The following PARD3B variants were observed in gnomAD, a reference collection of about 807,000 sequenced individuals.
PARD3B encodes the protein partitioning defective 3 homolog B.
In PARD3B, 103 loss-of-function variants were observed where a neutral mutation model predicts 130.2. The ratio of observed to expected loss-of-function variants is 0.79; its 90% CI spans 0.67 to 0.93. The LOEUF (loss-of-function observed/expected upper bound fraction) is 0.93, where lower values mean the gene tolerates loss of function less well. PARD3B is among the 40% of genes least tolerant of loss of function. The pLI is 0.00. For synonymous variants in PARD3B, 583 were observed against 553.2 expected (o/e 1.05, Z -0.76); for missense variants, 1,609 against 1,499.2 (o/e 1.07, Z -1.21).
intron 2 of PARD3B, among the ~76,000 whole-genome samples, chr2:204,960,542 A>G (rs562047137): frequency 1.3e-5 from 2 of 150,814 alleles, no homozygotes; most frequent in East Asian, 3.9e-4. Flanking sequence ...TCATTTATAC[A>G]CATTCATTTA....
intron 21 of PARD3B, among the ~76,000 whole-genome samples, chr2:205,516,272 A>G (rs1277528499): frequency 6.6e-6 from 1 of 152,004 alleles, no homozygotes; most frequent in East Asian, 1.9e-4. Flanking sequence ...TGCCTTTGCT[A>G]TTTGGTCTCT....
chr2:205,438,902 C>T (rs963135043), intron 19 of PARD3B, among the ~76,000 whole-genome samples: 6 of 152,078 alleles, frequency 3.9e-5, no homozygotes, highest in Admixed American at 2.0e-4. Flanking sequence ...AGGATAGGTG[C>T]TGGGGTTTTG....
chr2:204,958,001 G>A (rs910463591), intron 2 of PARD3B, among the ~76,000 whole-genome samples: 2 of 152,088 alleles, frequency 1.3e-5, no homozygotes, highest in South Asian at 2.1e-4. Flanking sequence ...TAGTTCAACA[G>A]TTTAACCCAA....
At chr2:204,951,985 T>C (rs183366870) in intron 2 of PARD3B, among the ~76,000 whole-genome samples, 87 of 152,322 alleles carry the variant, frequency 5.7e-4, no homozygotes, top group African/African-American at 2.0e-3. Context: ...ACAAAGATGA[T>C]TGATGACTGG....
chr2:204,587,550 G>A (rs1458129893), intron 1 of PARD3B, among the ~76,000 whole-genome samples: 1 of 152,178 alleles, frequency 6.6e-6, no homozygotes, highest in Non-Finnish European at 1.5e-5. Context: ...ATTTCAGATT[G>A]AAAGCAAAGA....
At chr2:204,843,450 C>T (rs1039070087) in intron 2 of PARD3B, among the ~76,000 whole-genome samples, 2 of 151,966 alleles carry the variant, frequency 1.3e-5, no homozygotes, top group Non-Finnish European at 1.5e-5. Context: ...GGTACAGTGG[C>T]GTGATCTTGG....
chr2:204,577,942 C>G (rs1414640453), intron 1 of PARD3B, among the ~76,000 whole-genome samples: 2 of 152,094 alleles, frequency 1.3e-5, no homozygotes, highest in Non-Finnish European at 2.9e-5. Context: ...TTGGGGGTGG[C>G]TTTGTCCCCT....
intron 2 of PARD3B, among the ~76,000 whole-genome samples, chr2:204,825,537 T>C (rs1218860273): frequency 6.6e-6 from 1 of 152,234 alleles, no homozygotes; most frequent in East Asian, 1.9e-4. Context: ...TTAGCATGAC[T>C]AGGCTACAAC....
At chr2:205,406,842 T>G (rs1245318280) in intron 19 of PARD3B, among the ~76,000 whole-genome samples, 3 of 151,940 alleles carry the variant, frequency 2.0e-5, no homozygotes, top group African/African-American at 7.2e-5. Flanking sequence ...AGCTAATTTT[T>G]GTATTTTTAG....
intron 21 of PARD3B, among the ~76,000 whole-genome samples, chr2:205,501,241 A>G (rs1364095781): frequency 2.6e-5 from 4 of 152,186 alleles, no homozygotes; most frequent in Non-Finnish European, 5.9e-5. Context: ...ACTAATCAGA[A>G]GTGCACAGTG....
At chr2:205,495,684 T>C (rs948182807) in intron 20 of PARD3B, among the ~76,000 whole-genome samples, 1 of 152,150 alleles carries the variant, frequency 6.6e-6, no homozygotes, top group Non-Finnish European at 1.5e-5. Context: ...ACTTCCATTC[T>C]TGTTCAGTAT....
At chr2:204,573,188 G>A (rs1483659438) in intron 1 of PARD3B, among the ~76,000 whole-genome samples, 1 of 152,168 alleles carries the variant, frequency 6.6e-6, no homozygotes, top group Admixed American at 6.5e-5. Context: ...CTCTGAAATT[G>A]ACCCAGGTCT....
chr2:205,490,452 T>C (rs2049654354), intron 20 of PARD3B, among the ~76,000 whole-genome samples: 1 of 152,242 alleles, frequency 6.6e-6, no homozygotes, highest in Non-Finnish European at 1.5e-5. Flanking sequence ...TTCATCATTT[T>C]TTATGGCTGC....
intron 2 of PARD3B, among the ~76,000 whole-genome samples, chr2:204,953,187 T>C (rs57849061): frequency 0.096 from 14,642 of 151,912 alleles, 821 homozygotes; most frequent in Non-Finnish European, 0.13. Context: ...ATTGGGACTA[T>C]GCAGAGACAA....
At chr2:205,193,388 C>T in intron 15 of PARD3B, 68 bp downstream of exon 15, 13 of 1,259,622 alleles carry the variant, frequency 1.0e-5, no homozygotes, top group Non-Finnish European at 1.5e-5. Flanking sequence ...CCCAAATGTC[C>T]TGGTTTTGTT....
intron 22 of PARD3B, among the ~76,000 whole-genome samples, chr2:205,588,729 T>C (rs1422714096): frequency 6.6e-6 from 1 of 152,202 alleles, no homozygotes; most frequent in Admixed American, 6.5e-5. Flanking sequence ...TATACTTCAA[T>C]AAAATTTTTA....
At chr2:204,941,086 T>C (rs370734748) in intron 2 of PARD3B, among the ~76,000 whole-genome samples, 2 of 152,296 alleles carry the variant, frequency 1.3e-5, no homozygotes, top group South Asian at 2.1e-4. Context: ...TTGGTGTTTG[T>C]TATATATATA....
chr2:205,040,369 A>AG (rs1322405536), intron 3 of PARD3B, among the ~76,000 whole-genome samples: 2 of 152,178 alleles, frequency 1.3e-5, no homozygotes, highest in African/African-American at 4.8e-5. Context: ...CAGCAAGAAA[A>AG]GGGGGAGCAG....
chr2:204,785,299 G>A (rs997631369), intron 2 of PARD3B, among the ~76,000 whole-genome samples: 8 of 152,010 alleles, frequency 5.3e-5, no homozygotes, highest in Non-Finnish European at 1.2e-4. Flanking sequence ...AAATGCATCT[G>A]TTCCCCGTGT....
Sources: allele counts gnomAD v4.1 joint callset (sites outside exome capture counted in the v4.1 genomes callset), GRCh38; gene constraint gnomAD v4.1.1; transcripts MANE v1.5; gene names NCBI Gene and HGNC (gene_info 2026-07-23, HGNC 2026-07-21).